The following EBF1 variants were observed in gnomAD, a reference collection of about 807,000 sequenced individuals.
EBF1 encodes the protein EBF transcription factor 1.
A neutral mutation model predicts 68.4 loss-of-function variants in EBF1; 10 were observed. The observed-to-expected ratio is 0.15, with a 90% CI of 0.09 to 0.25. The LOEUF (loss-of-function observed/expected upper bound fraction) is 0.25, where lower values mean the gene tolerates loss of function less well. Among genes scored for constraint, EBF1 ranks in the 10% least tolerant of loss-of-function variants. The pLI is 1.00. For missense variants in EBF1, 509 were observed against 794.4 expected (o/e 0.64, Z 4.32); for synonymous variants, 298 against 299.8 (o/e 0.99, Z 0.06).
chr5:158,763,769 G>T (rs962112737), intron 10 of EBF1, among the ~76,000 whole-genome samples: 3 of 152,092 alleles, frequency 2.0e-5, no homozygotes, highest in Admixed American at 6.6e-5. Flanking sequence ...TTGCATACTT[G>T]GGAATCTATT....
chr5:159,090,850 T>G (rs1189895407), intron 4 of EBF1, among the ~76,000 whole-genome samples: 1 of 149,074 alleles, frequency 6.7e-6, no homozygotes, highest in Non-Finnish European at 1.5e-5. Flanking sequence ...TCTAATTTAT[T>G]AAGCACTTAA....
At chr5:158,959,523 C>T (rs962026831) in intron 6 of EBF1, among the ~76,000 whole-genome samples, 3 of 152,096 alleles carry the variant, frequency 2.0e-5, no homozygotes. Context: ...ATCTCCTGAC[C>T]TCAGGCAATC....
At chr5:158,710,466 T>G (rs889461594) in intron 14 of EBF1, among the ~76,000 whole-genome samples, 1 of 152,224 alleles carries the variant, frequency 6.6e-6, no homozygotes, top group Admixed American at 6.5e-5. Flanking sequence ...GGGAGAACAC[T>G]GAAATTATAG....
chr5:158,724,865 T>G (rs1762666816), intron 11 of EBF1, among the ~76,000 whole-genome samples: 1 of 152,246 alleles, frequency 6.6e-6, no homozygotes, highest in African/African-American at 2.4e-5. Flanking sequence ...CAAATTGTTC[T>G]GTGTTTAAAT....
intron 6 of EBF1, among the ~76,000 whole-genome samples, chr5:159,006,647 TAAAAAAAAAAAAAAAAAA>T (rs36045942): frequency 8.9e-5 from 5 of 56,224 alleles, no homozygotes; most frequent in Non-Finnish European, 1.5e-4. Context: ...ATAGCCATGT[TAAAAAAAAAAAAAAAAAA>T]AAAAAAAAAA....
intron 6 of EBF1, among the ~76,000 whole-genome samples, chr5:158,890,976 A>C (rs1340630784): frequency 6.6e-6 from 1 of 152,178 alleles, no homozygotes; most frequent in African/African-American, 2.4e-5. Context: ...AAACAACTTG[A>C]CTGTTGAGCA....
chr5:158,739,354 G>T (rs1279092494), intron 10 of EBF1, among the ~76,000 whole-genome samples: 1 of 152,224 alleles, frequency 6.6e-6, no homozygotes, highest in Admixed American at 6.5e-5. Context: ...TACAGTTGAT[G>T]AGAAAAGCTG....
chr5:158,893,561 C>T (rs1801602593), intron 6 of EBF1, among the ~76,000 whole-genome samples: 1 of 152,156 alleles, frequency 6.6e-6, no homozygotes, highest in Non-Finnish European at 1.5e-5. Flanking sequence ...ATCCCTTTTC[C>T]TTGCTTTTAA....
intron 4 of EBF1, 56 bp from the exon 5 acceptor site, chr5:159,084,795 A>G: frequency 6.7e-7 from 1 of 1,486,178 alleles, no homozygotes; most frequent in Non-Finnish European, 9.1e-7. Context: ...AGAAAAAAAA[A>G]AAAAATCACA....
rs117409516 is a variant in EBF1, at chr5:158,700,403, C to T, written c.1745-1261G>A. Among the ~76,000 whole-genome samples the T allele has an allele frequency of 5.9e-5, 9 of 152,080 alleles. No individual in the cohort carries two copies. The East Asian group carries it at 1.7e-3, about 29-fold the overall frequency. On this transcript the variant is annotated intron_variant, in intron 15 of 15. Coordinates refer to ENST00000313708, the MANE Select transcript of EBF1 (RefSeq NM_024007.5). ...TCTTGTCAGGCAGAGAGAGTCATTG[C>T]TTTCTTTTTATGGCAAATCTAAACG...
Position 159,096,423 on chromosome 5 carries a change from C to T in EBF1, c.292-17G>A, listed in dbSNP as rs777980618. ...GTTGGCTTCCTGGGTTGCATCAGGACGCAAAGACACAAGAGATGCAGGAGA... is the reference window on the plus strand; with the variant it reads ...GTTGGCTTCCTGGGTTGCATCAGGATGCAAAGACACAAGAGATGCAGGAGA... On this transcript the variant is annotated splice_polypyrimidine_tract_variant and intron_variant, in intron 2 of 15. Transcript: ENST00000313708. 85 of 1,611,894 alleles carry T rather than the reference C, an allele frequency of 5.3e-5. No homozygotes were observed. Among genetic ancestry groups the T allele is most frequent in the Non-Finnish European group, 6.8e-5 (80 of 1,179,002 alleles).
At chr5:158,969,921 A>AAG (rs1561664392) in intron 6 of EBF1, among the ~76,000 whole-genome samples, 4 of 73,720 alleles carry the variant, frequency 5.4e-5, no homozygotes, top group African/African-American at 1.3e-4. Flanking sequence ...AGAAAGAAAA[A>AAG]AAAAAAAAAG....
chr5:159,060,538 G>A (rs182699324), intron 6 of EBF1, among the ~76,000 whole-genome samples: 11 of 152,046 alleles, frequency 7.2e-5, no homozygotes, highest in African/African-American at 1.4e-4. Context: ...TCTCATAACC[G>A]AATATCTATT....
intron 6 of EBF1, among the ~76,000 whole-genome samples, chr5:158,840,577 T>C (rs889179359): frequency 2.6e-5 from 4 of 151,064 alleles, no homozygotes; most frequent in African/African-American, 9.7e-5. Flanking sequence ...TTTTAATTAG[T>C]ACTACCCATG....
intron 8 of EBF1, among the ~76,000 whole-genome samples, chr5:158,797,952 T>C (rs1462558258): frequency 2.0e-5 from 3 of 152,198 alleles, no homozygotes; most frequent in Non-Finnish European, 4.4e-5. Context: ...TTGTGATCAG[T>C]GTTCCACAAC....
chr5:159,024,666 T>C (rs774061439), intron 6 of EBF1, among the ~76,000 whole-genome samples: 12 of 152,240 alleles, frequency 7.9e-5, no homozygotes, highest in Non-Finnish European at 1.5e-4. Context: ...AGCCCTCAAC[T>C]TCTCAAAAGA....
chr5:158,698,978 T>C lies in EBF1; in HGVS notation c.*133A>G. On this transcript the variant is annotated 3_prime_UTR_variant, in exon 16 of 16. Transcript: ENST00000313708. The stretch of plus-strand genomic sequence containing the variant: ...TTGCAAGGTCGGTGATTTTGTTTGT[T>C]TAAAAATCTGCAGTTATTGTGATTC... The C allele has an allele frequency of 2.6e-6, 2 of 766,444 alleles. No individual in the cohort carries two copies. Among genetic ancestry groups the C allele is most frequent in the Non-Finnish European group, 3.9e-6 (2 of 508,376 alleles). 47.5% of individuals were successfully genotyped at this position (766,444 alleles called of 1,614,324 possible). A position where few individuals can be genotyped will look rare whatever the true frequency, so the allele number is the denominator to read the frequency against.
At chr5:159,040,072 C>T (rs952919797) in intron 6 of EBF1, among the ~76,000 whole-genome samples, 1 of 152,114 alleles carries the variant, frequency 6.6e-6, no homozygotes, top group Non-Finnish European at 1.5e-5. Flanking sequence ...CACAAAAGGA[C>T]GTAGATCCAT....
chr5:159,095,849 C>T (rs983061771), intron 3 of EBF1, among the ~76,000 whole-genome samples, 174 bp from the exon 4 acceptor site: 12 of 152,248 alleles, frequency 7.9e-5, no homozygotes, highest in African/African-American at 2.9e-4. Context: ...CCACGATCTC[C>T]CTTCCCCAGT....
Sources: allele counts gnomAD v4.1 joint callset (sites outside exome capture counted in the v4.1 genomes callset), GRCh38; gene constraint gnomAD v4.1.1; transcripts MANE v1.5; gene names NCBI Gene and HGNC (gene_info 2026-07-23, HGNC 2026-07-21).